TFCP2: variants seen among roughly 807,000 people sequenced by gnomAD.
TFCP2 encodes alpha-globin transcription factor CP2.
TFCP2 carries 33 observed loss-of-function variants against 73.4 expected under a neutral mutation model. That is an observed-to-expected ratio of 0.45 (90% CI 0.34 to 0.60). The LOEUF (loss-of-function observed/expected upper bound fraction) is 0.60, where lower values mean the gene tolerates loss of function less well. Ranked by LOEUF, TFCP2 falls within the 20% of genes least tolerant of loss-of-function variation. TFCP2 has a pLI of 0.01. For synonymous variants in TFCP2, 193 were observed against 211.6 expected (o/e 0.91, Z 0.76); for missense variants, 352 against 604.0 (o/e 0.58, Z 4.37).
intron 1 of TFCP2, among the ~76,000 whole-genome samples, chr12:51,147,322 AAGACTTCATCTCAAAAAAG>A (rs1941318384): frequency 6.6e-6 from 1 of 152,108 alleles, no homozygotes; most frequent in African/African-American, 2.4e-5. Flanking sequence ...CAGCCTCAGC[AAGACTTCATCTCAAAAAAG>A]AAAGAAAGAA....
intron 1 of TFCP2, among the ~76,000 whole-genome samples, chr12:51,121,909 C>A (rs1321156803): frequency 6.6e-6 from 1 of 152,090 alleles, no homozygotes; most frequent in Non-Finnish European, 1.5e-5. Flanking sequence ...TTATATGTAC[C>A]TATATATCTC....
At chr12:51,116,205 A>G (rs1409497505) in intron 4 of TFCP2, 110 bp downstream of exon 4, 1 of 476,680 alleles carries the variant, frequency 2.1e-6, no homozygotes, top group East Asian at 3.2e-5. Context: ...CAAGGTTTAT[A>G]CTAATTGAGC....
At chr12:51,108,356 G>A (rs1940307563) in intron 6 of TFCP2, among the ~76,000 whole-genome samples, 1 of 152,052 alleles carries the variant, frequency 6.6e-6, no homozygotes, top group Non-Finnish European at 1.5e-5. Context: ...GGTTTCCTCT[G>A]GGAAGAGGTT....
intron 1 of TFCP2, among the ~76,000 whole-genome samples, chr12:51,135,682 T>A (rs772340907): frequency 9.9e-5 from 15 of 151,990 alleles, no homozygotes; most frequent in Non-Finnish European, 2.2e-4. Flanking sequence ...TTGGTGAGCT[T>A]AATTACTCAG....
At chr12:51,164,229 C>G (rs1459187834) in intron 1 of TFCP2, among the ~76,000 whole-genome samples, 2 of 151,748 alleles carry the variant, frequency 1.3e-5, no homozygotes, top group African/African-American at 4.8e-5. Flanking sequence ...ACAACAACAA[C>G]CACAAAAACC....
In TFCP2 at chr12:51,172,419, C is replaced by G; in HGVS notation, c.4G>C (p.Ala2Pro). The G allele has an allele frequency of 6.2e-7, 1 of 1,614,052 alleles. No homozygotes were observed. Among genetic ancestry groups the G allele is most frequent in the Non-Finnish European group, 8.5e-7 (1 of 1,179,994 alleles). The change falls in exon 1 of 15, where the codon GCC (alanine) becomes CCC (proline). Residue 2 changes from alanine (A) to proline (P), a missense_variant. Around this residue, in one of 6 missense-constraint regions of TFCP2, gnomAD observed 76 missense variants for 163.2 expected, o/e 0.47. Transcript: ENST00000257915. MAWALKLPLADE... is the reference protein window; with the variant it reads MPWALKLPLADE... ...GCCAGAGGCAGCTTCAGAGCCCAGGCCATCCTGGCTCCTTCCTTGCCCCAG... is the reference window on the plus strand; with the variant it reads ...GCCAGAGGCAGCTTCAGAGCCCAGGGCATCCTGGCTCCTTCCTTGCCCCAG...
At chr12:51,154,523 A>C (rs183138047) in intron 1 of TFCP2, among the ~76,000 whole-genome samples, 9 of 152,230 alleles carry the variant, frequency 5.9e-5, no homozygotes, top group Non-Finnish European at 1.3e-4. Flanking sequence ...ATAAAATCTC[A>C]TCTCTATTAA....
chr12:51,145,567 C>CAAA (rs59778550), intron 1 of TFCP2, among the ~76,000 whole-genome samples: 5 of 49,176 alleles, frequency 1.0e-4, no homozygotes, highest in African/African-American at 3.3e-4. Flanking sequence ...AAGACTATCT[C>CAAA]AAAAAAAAAA....
chr12:51,126,418 A>G (rs1396490931), intron 1 of TFCP2, among the ~76,000 whole-genome samples: 1 of 152,084 alleles, frequency 6.6e-6, no homozygotes, highest in Non-Finnish European at 1.5e-5. Flanking sequence ...TCTTGAATGT[A>G]ACTAGGATTC....
At chr12:51,128,478 TAA>T (rs11324129) in intron 1 of TFCP2, among the ~76,000 whole-genome samples, 2,055 of 137,268 alleles carry the variant, frequency 0.015, 49 homozygotes, top group African/African-American at 0.051. Context: ...AGTATAATAA[TAA>T]AAAAAAAAAA....
chr12:51,171,598 G>A (rs1241654049), intron 1 of TFCP2, among the ~76,000 whole-genome samples: 3 of 151,660 alleles, frequency 2.0e-5, no homozygotes, highest in Non-Finnish European at 2.9e-5. Context: ...CGATGGTCTC[G>A]AACTCCTGAG....
intron 1 of TFCP2, among the ~76,000 whole-genome samples, chr12:51,135,060 T>G (rs1242709554): frequency 6.7e-6 from 1 of 148,326 alleles, no homozygotes; most frequent in Admixed American, 6.7e-5. Flanking sequence ...CAGTGAGCCG[T>G]GACTGTGCCA....
intron 1 of TFCP2, among the ~76,000 whole-genome samples, chr12:51,159,987 TC>T (rs1941615057): frequency 6.6e-6 from 1 of 151,798 alleles, no homozygotes; most frequent in Non-Finnish European, 1.5e-5. Flanking sequence ...TGCAGTTAAT[TC>T]CTCACAGTTG....
chr12:51,096,337 G>A (rs1939965349), intron 13 of TFCP2, among the ~76,000 whole-genome samples: 1 of 152,178 alleles, frequency 6.6e-6, no homozygotes, highest in Non-Finnish European at 1.5e-5. Context: ...TGTGCATACA[G>A]GAGAACTGAC....
intron 1 of TFCP2, among the ~76,000 whole-genome samples, chr12:51,120,593 A>T (rs919064402): frequency 6.6e-6 from 1 of 152,152 alleles, no homozygotes; most frequent in Admixed American, 6.6e-5. Context: ...TACCTAAAAA[A>T]AAAATTATTG....
intron 1 of TFCP2, among the ~76,000 whole-genome samples, chr12:51,147,193 A>C (rs1391099156): frequency 1.3e-5 from 2 of 152,104 alleles, no homozygotes; most frequent in East Asian, 3.9e-4. Context: ...AAATACAAAA[A>C]TTAGCCAGGT....
At chr12:51,156,357 G>A (rs1941537916) in intron 1 of TFCP2, among the ~76,000 whole-genome samples, 1 of 151,802 alleles carries the variant, frequency 6.6e-6, no homozygotes, top group African/African-American at 2.4e-5. Flanking sequence ...GGGGGGAGGT[G>A]CCACACTTAA....
rs1940567105 is a variant in TFCP2, at chr12:51,117,841, T to C, written c.275-94A>G. 5.5e-6 allele frequency: 4 copies of C among 726,152 alleles called. No individual in the cohort carries two copies. The South Asian group carries it at 7.2e-5, about 13-fold the overall frequency. The allele number at this position is 726,152 out of a possible 1,614,324, so 45.0% of individuals were successfully genotyped here. Reference sequence around the variant, plus strand: ...ATTCAGTTGGTTGAATATACAACAGTATAATAATATTATTAGTATTAGTAA... The same window carrying C: ...ATTCAGTTGGTTGAATATACAACAGCATAATAATATTATTAGTATTAGTAA... On this transcript the variant is annotated intron_variant, in intron 2 of 14. Transcript: ENST00000257915.
intron 1 of TFCP2, chr12:51,124,726 A>G: frequency 1.4e-6 from 1 of 699,616 alleles, no homozygotes. Flanking sequence ...GTTGCCTTGG[A>G]GTCGCCCTCA....
Sources: gnomAD v4.1 joint callset for allele counts (sites outside exome capture counted in the v4.1 genomes callset) on GRCh38, gnomAD v4.1.1 for gene constraint, gnomAD v4.1.1 regional missense constraint, MANE v1.5 for transcripts, NCBI Gene and HGNC (gene_info 2026-07-23, HGNC 2026-07-21) for gene names.